SOX5: variants seen among roughly 807,000 people sequenced by gnomAD.
The protein encoded by SOX5 is SRY-box transcription factor 5, also known as transcription factor SOX-5.
SOX5 carries 9 observed loss-of-function variants against 92.0 expected under a neutral mutation model. That is an observed-to-expected ratio of 0.10 (90% CI 0.06 to 0.17). The LOEUF is 0.17. Ranked by LOEUF, SOX5 falls within the 10% of genes least tolerant of loss-of-function variation. The pLI is 1.00. For missense variants in SOX5, 642 were observed against 944.5 expected (o/e 0.68, Z 4.20); for synonymous variants, 344 against 336.3 (o/e 1.02, Z -0.25).
At chr12:24,066,464 T>C (rs1170003294) in intron 4 of SOX5, among the ~76,000 whole-genome samples, 3 of 151,460 alleles carry the variant, frequency 2.0e-5, no homozygotes, top group East Asian at 3.9e-4. Context: ...AAATAATGAG[T>C]CCTTGAAAAA....
chr12:23,812,869 T>C lies in SOX5; in HGVS notation c.481+33114A>G, dbSNP rs147617609. Reference sequence around the variant, plus strand: ...GAAAGTATCTATATGAAGTATGTCATATGTAAAAAAAGTAAAAAGACAAGT... The same window carrying C: ...GAAAGTATCTATATGAAGTATGTCACATGTAAAAAAAGTAAAAAGACAAGT... On this transcript the variant is annotated intron_variant, in intron 3 of 14. Transcript: ENST00000451604. Among the ~76,000 whole-genome samples, 395 of 152,300 alleles carry C rather than the reference T, an allele frequency of 2.6e-3. 1 individual carries two copies. The highest frequency in any genetic ancestry group is 4.5e-3 in the Non-Finnish European group (306 of 68,022).
intron 4 of SOX5, among the ~76,000 whole-genome samples, chr12:23,979,908 G>GA (rs1949383025): frequency 6.8e-5 from 1 of 14,670 alleles, no homozygotes; most frequent in African/African-American, 1.2e-4. Context: ...TGGCTGGCTG[G>GA]CTGGCCAGAC....
In SOX5 at chr12:24,191,988, C is replaced by T. The variant is rs553819503; in HGVS notation, c.-2+21355G>A. ...TTCTAATTAAGGATTATATGTAAAA[C>T]CAATATGATGAAAGACAAATTATTA... is the stretch of plus-strand genomic sequence containing the variant. On this transcript the variant is annotated intron_variant, in intron 4 of 4. Coordinates refer to the SOX5 transcript ENST00000446891. 2.6e-3 allele frequency among the ~76,000 whole-genome samples: 389 copies of T among 152,208 alleles called. 1 individual carries two copies. The highest frequency in any genetic ancestry group is 6.8e-3 in the Middle Eastern group (2 of 294).
intron 2 of SOX5, among the ~76,000 whole-genome samples, chr12:23,874,039 A>T (rs2096901879): frequency 6.6e-6 from 1 of 152,224 alleles, no homozygotes; most frequent in Non-Finnish European, 1.5e-5. Flanking sequence ...TAGGTGCTTC[A>T]AAGATGGTGA....
intron 4 of SOX5, among the ~76,000 whole-genome samples, chr12:23,993,183 T>C (rs191283348): frequency 1.3e-5 from 2 of 152,264 alleles, no homozygotes; most frequent in East Asian, 3.9e-4. Context: ...TTCAGAATAA[T>C]AAACATATGA....
At chr12:23,734,042 A>G (rs2093492153) in intron 6 of SOX5, among the ~76,000 whole-genome samples, 1 of 152,208 alleles carries the variant, frequency 6.6e-6, no homozygotes, top group African/African-American at 2.4e-5. Flanking sequence ...ACTTTTGTCA[A>G]AGTTTATGAC....
intron 2 of SOX5, among the ~76,000 whole-genome samples, chr12:23,854,275 C>T (rs544377749): frequency 1.3e-5 from 2 of 152,238 alleles, no homozygotes; most frequent in African/African-American, 2.4e-5. Flanking sequence ...TAACTGGAAA[C>T]TGACTATGTC....
At chr12:23,545,441 A>G (rs1030928764) in intron 12 of SOX5, among the ~76,000 whole-genome samples, 1 of 152,286 alleles carries the variant, frequency 6.6e-6, no homozygotes, top group South Asian at 2.1e-4. Flanking sequence ...CAGAGTATCA[A>G]TTTAATTTCT....
chr12:24,384,108 T>C (rs905196651), intron 1 of SOX5, among the ~76,000 whole-genome samples: 18 of 152,196 alleles, frequency 1.2e-4, no homozygotes, highest in Admixed American at 1.2e-3. Flanking sequence ...TCTCCAGCCA[T>C]GCAGAGCTAT....
At chr12:23,588,271 G>A (rs1394317786) in intron 9 of SOX5, among the ~76,000 whole-genome samples, 1 of 151,986 alleles carries the variant, frequency 6.6e-6, no homozygotes, top group Non-Finnish European at 1.5e-5. Flanking sequence ...TTAGAACTGA[G>A]CATCAGGTAA....
intron 1 of SOX5, among the ~76,000 whole-genome samples, chr12:23,929,249 A>G (rs922322758): frequency 2.0e-5 from 3 of 151,984 alleles, no homozygotes; most frequent in African/African-American, 7.2e-5. Flanking sequence ...TAAACTCTGA[A>G]AGTATGTTAC....
intron 4 of SOX5, among the ~76,000 whole-genome samples, chr12:24,019,622 A>G (rs1954065005): frequency 6.6e-6 from 1 of 152,146 alleles, no homozygotes; most frequent in South Asian, 2.1e-4. Context: ...TGAAGAGTCA[A>G]TTTCTCCTAG....
chr12:23,793,440 G>T (rs929891424), intron 3 of SOX5, among the ~76,000 whole-genome samples: 5 of 152,078 alleles, frequency 3.3e-5, no homozygotes, highest in African/African-American at 1.2e-4. Context: ...GTATTTTGTA[G>T]TACCCAACCC....
intron 3 of SOX5, among the ~76,000 whole-genome samples, chr12:23,771,217 A>AACT (rs1324284382): frequency 6.6e-6 from 1 of 151,700 alleles, no homozygotes; most frequent in Non-Finnish European, 1.5e-5. Context: ...AAGAAAGAAA[A>AACT]ACTAATAACT....
rs112635769 is a variant in SOX5 at position 24,024,170 on chromosome 12, G to C, written c.-1-128146C>G. Reference sequence around the variant, plus strand: ...TTAAAATACAAAGAAGTAAATTATTGCCTCAGTATTTTGGAATATAATGAA... The same window carrying C: ...TTAAAATACAAAGAAGTAAATTATTCCCTCAGTATTTTGGAATATAATGAA... On this transcript the variant is annotated intron_variant, in intron 4 of 4. Coordinates refer to the SOX5 transcript ENST00000446891. Among the ~76,000 whole-genome samples the C allele has an allele frequency of 4.6e-5, 7 of 152,058 alleles. 1 individual carries two copies. The highest frequency in any genetic ancestry group is 1.4e-4 in the African/African-American group (6 of 41,520).
At chr12:24,129,619 A>G (rs1024821321) in intron 4 of SOX5, among the ~76,000 whole-genome samples, 1 of 152,184 alleles carries the variant, frequency 6.6e-6, no homozygotes, top group Non-Finnish European at 1.5e-5. Context: ...GGCTGCCAGC[A>G]TCGCAAAAGC....
intron 2 of SOX5, among the ~76,000 whole-genome samples, chr12:24,351,889 T>A (rs1361506662): frequency 6.6e-6 from 1 of 152,368 alleles, no homozygotes; most frequent in South Asian, 2.1e-4. Context: ...CCTGTTACCA[T>A]GGTTATTTTC....
At chr12:24,003,700 ATG>A (rs1951850902) in intron 4 of SOX5, among the ~76,000 whole-genome samples, 1 of 151,970 alleles carries the variant, frequency 6.6e-6, no homozygotes, top group South Asian at 2.1e-4. Context: ...AAAACTCAGT[ATG>A]TTAAGATGGA....
intron 4 of SOX5, among the ~76,000 whole-genome samples, chr12:24,125,649 T>C (rs1277935511): frequency 1.3e-5 from 2 of 152,172 alleles, no homozygotes; most frequent in Admixed American, 1.3e-4. Context: ...AAGGTTAAAA[T>C]AATACACATT....
Sources: gnomAD v4.1 joint callset for allele counts (sites outside exome capture counted in the v4.1 genomes callset) on GRCh38, gnomAD v4.1.1 for gene constraint, MANE v1.5 for transcripts, NCBI Gene and HGNC (gene_info 2026-07-23, HGNC 2026-07-21) for gene names.